Variants in DHX33 observed in about 807,000 individuals in gnomAD.
The protein encoded by DHX33 is ATP-dependent RNA helicase DHX33.
Under a neutral mutation model 72.5 loss-of-function variants are expected in DHX33, and 42 were observed. The ratio of observed to expected loss-of-function variants is 0.58; its 90% CI spans 0.45 to 0.75. The LOEUF (loss-of-function observed/expected upper bound fraction) is 0.75. DHX33 is among the 30% of genes least tolerant of loss of function. The pLI, the probability that DHX33 is intolerant of heterozygous loss-of-function variation, is 0.00. For missense variants in DHX33, 842 were observed against 917.5 expected (o/e 0.92, Z 1.06); for synonymous variants, 358 against 366.1 (o/e 0.98, Z 0.25).
At chr17:5,457,741 C>A (rs1014251998) in intron 4 of DHX33, among the ~76,000 whole-genome samples, 2 of 150,954 alleles carry the variant, frequency 1.3e-5, no homozygotes, top group Non-Finnish European at 2.9e-5. Flanking sequence ...ATTAACAGAA[C>A]AAATGTGCAG....
Position 5,448,796 on chromosome 17 carries a change from G to T in DHX33, c.1815+13C>A. ...AGCTTTGTCACCCACAGAACACTAG[G>T]ACCAGACGATACCTTTAAGCAGATG... On this transcript the variant is annotated intron_variant, in intron 11 of 11. Transcript: ENST00000225296. 6.3e-7 allele frequency: 1 copy of T among 1,591,584 alleles called. No homozygotes were observed. Among genetic ancestry groups the T allele is most frequent in the South Asian group, 1.1e-5 (1 of 88,536 alleles).
Position 5,453,677 on chromosome 17 carries a change from A to G in DHX33, c.1308-9T>C, listed in dbSNP as rs1821998852. On this transcript the variant is annotated splice_polypyrimidine_tract_variant and intron_variant, in intron 7 of 11. Transcript: ENST00000225296. ...CACTGGCCAGGTTACACCTGTGAAG[A>G]GCATGAGACCAGGGTCATGACCTGA... 1 of 1,613,996 alleles carries G rather than the reference A, an allele frequency of 6.2e-7. No individual in the cohort carries two copies. Among genetic ancestry groups the G allele is most frequent in the South Asian group, 1.1e-5 (1 of 91,086 alleles).
chr17:5,468,410 G>A (rs753246119), intron 1 of DHX33, among the ~76,000 whole-genome samples, 161 bp downstream of exon 1: 1 of 152,244 alleles, frequency 6.6e-6, no homozygotes, highest in Non-Finnish European at 1.5e-5. Context: ...GGGCAGGGCT[G>A]CCGGACTCTT....
intron 10 of DHX33, 136 bp from the exon 11 acceptor site, chr17:5,449,031 T>G (rs1332052458): frequency 3.8e-6 from 2 of 527,908 alleles, no homozygotes; most frequent in Non-Finnish European, 6.6e-6. Context: ...TCCTCCCACC[T>G]CAGCCTCCCA....
chr17:5,454,665 G>C (rs1917110957), intron 6 of DHX33, among the ~76,000 whole-genome samples: 1 of 152,154 alleles, frequency 6.6e-6, no homozygotes, highest in African/African-American at 2.4e-5. Context: ...ATCCTCTGTG[G>C]AATAAAGCAA....
At position 5,462,458 on chromosome 17, in the gene DHX33, A is replaced by G. The variant is rs1904685034; in HGVS notation, c.539T>C (p.Ile180Thr). 1 of 1,614,046 alleles carries G rather than the reference A, an allele frequency of 6.2e-7. No individual in the cohort carries two copies. The highest frequency in any genetic ancestry group is 1.7e-5 in the Admixed American group (1 of 60,012). The change falls in exon 3 of 12, where the codon ATT becomes ACT. Residue 180 changes from isoleucine to threonine, a missense_variant. Physicochemically the swap from Ile to Thr is moderately conservative, Grantham distance 89. Transcript: ENST00000225296. ...LTDGMLLREA[I>T]SDSLLRKYSC... is the part of the protein sequence containing the mutation. ...GTATTTCCGAAGCAAAGAGTCTGAA[A>G]TTGCTTCACGCAGAAGCATGCCATC...
chr17:5,446,206 C>T (rs562170716), intron 11 of DHX33, among the ~76,000 whole-genome samples: 42 of 152,304 alleles, frequency 2.8e-4, no homozygotes, highest in African/African-American at 9.4e-4. Flanking sequence ...AACTCTTGGC[C>T]TCAAGCAATC....
Position 5,444,132 on chromosome 17 carries a change from G to C in DHX33, c.*73C>G. The C allele has an allele frequency of 6.6e-7, 1 of 1,521,196 alleles. No individual in the cohort carries two copies. Among genetic ancestry groups the C allele is most frequent in the East Asian group, 2.3e-5 (1 of 43,646 alleles). 94.2% of individuals were successfully genotyped at this position (1,521,196 alleles called of 1,614,324 possible). On this transcript the variant is annotated 3_prime_UTR_variant, in exon 12 of 12. Transcript: ENST00000225296. This position sits in a 1 kb window ranked among gnomAD's most constrained non-coding sequence, Gnocchi z 4.9. Reference sequence around the variant, plus strand: ...CCAAGGCTTCTCTAAGCGCCAACCTGGAAGCCTGCTGTAAGGACAACTGTA... The same window carrying C: ...CCAAGGCTTCTCTAAGCGCCAACCTCGAAGCCTGCTGTAAGGACAACTGTA...
intron 8 of DHX33, among the ~76,000 whole-genome samples, chr17:5,452,940 A>T (rs1567599376): frequency 6.6e-6 from 1 of 151,998 alleles, no homozygotes; most frequent in African/African-American, 2.4e-5. Context: ...TCTTAAGAAA[A>T]GGGGGGGCAA....
chr17:5,461,237 G>T, intron 3 of DHX33, 128 bp from the exon 4 acceptor site: 1 of 957,260 alleles, frequency 1.0e-6, no homozygotes, highest in Non-Finnish European at 1.5e-6. Flanking sequence ...TTCTTCCAAG[G>T]CTCTGAGCAG....
intron 3 of DHX33, among the ~76,000 whole-genome samples, chr17:5,461,936 C>CTT (rs35332211): frequency 0.13 from 15,108 of 113,572 alleles, 1,676 homozygotes; most frequent in African/African-American, 0.24. Context: ...TGAACTTTCA[C>CTT]TTTTTTTTTT....
In DHX33 at chr17:5,453,679, C is replaced by A. The variant is rs369409564; in HGVS notation, c.1308-11G>T. On this transcript the variant is annotated splice_polypyrimidine_tract_variant and intron_variant, in intron 7 of 11. Coordinates refer to ENST00000225296, the MANE Select transcript of DHX33 (RefSeq NM_020162.4). ...CTGGCCAGGTTACACCTGTGAAGAG[C>A]ATGAGACCAGGGTCATGACCTGATC... 3.8e-5 allele frequency: 61 copies of A among 1,613,956 alleles called. No homozygotes were observed. The highest frequency in any genetic ancestry group is 4.5e-5 in the Non-Finnish European group (53 of 1,179,954).
chr17:5,446,000 G>A (rs940630938), intron 11 of DHX33, among the ~76,000 whole-genome samples: 3 of 152,144 alleles, frequency 2.0e-5, no homozygotes, highest in African/African-American at 7.2e-5. Flanking sequence ...AAGAGACAGG[G>A]TCTCACTCTG....
intron 1 of DHX33, among the ~76,000 whole-genome samples, chr17:5,466,884 A>G (rs1290277183): frequency 6.6e-6 from 1 of 152,244 alleles, no homozygotes; most frequent in Non-Finnish European, 1.5e-5. Flanking sequence ...TGTATTTAAA[A>G]CTATTGAAGA....
In DHX33 at chr17:5,442,261, T is replaced by A. The variant is rs961508405; in HGVS notation, c.*1944A>T. 5.3e-5 allele frequency: 8 copies of A among 150,590 alleles called. No homozygotes were observed. The highest frequency in any genetic ancestry group is 1.7e-4 in the African/African-American group (7 of 41,056). 9.3% of individuals were successfully genotyped at this position (150,590 alleles called of 1,614,324 possible). A position where few individuals can be genotyped will look rare whatever the true frequency, so the allele number is the denominator to read the frequency against. Reference sequence around the variant, plus strand: ...CCGGCCACCCCCCAATTTTTTTTTTTTTTTTTTTTTTTTTACCAGCACTAT... The same window carrying A: ...CCGGCCACCCCCCAATTTTTTTTTTATTTTTTTTTTTTTTACCAGCACTAT... On this transcript the variant is annotated 3_prime_UTR_variant, in exon 12 of 12. Transcript: ENST00000225296.
At chr17:5,452,334 T>G (rs554776869) in intron 8 of DHX33, among the ~76,000 whole-genome samples, 1 of 150,662 alleles carries the variant, frequency 6.6e-6, no homozygotes, top group South Asian at 2.1e-4. Context: ...AGGTCAGGAG[T>G]TCAAGACCAG....
chr17:5,463,853 TCAA>T (rs370102976), intron 1 of DHX33, among the ~76,000 whole-genome samples, 164 bp from the exon 2 acceptor site: 10 of 150,716 alleles, frequency 6.6e-5, no homozygotes, highest in African/African-American at 1.7e-4. Flanking sequence ...AGACCCCGTC[TCAA>T]CAACAACAAC....
In DHX33 at chr17:5,444,025, T is replaced by C. The variant is rs1916533866; in HGVS notation, c.*180A>G. On this transcript the variant is annotated 3_prime_UTR_variant, in exon 12 of 12. Coordinates refer to ENST00000225296, the MANE Select transcript of DHX33 (RefSeq NM_020162.4). This position sits in a 1 kb window ranked among gnomAD's most constrained non-coding sequence, Gnocchi z 4.9. ...TTGAGGTTTCCAGGTACAAATGATA[T>C]GTCCATGTCTATATGGTTCAGTCCC... is the stretch of plus-strand genomic sequence containing the variant. The C allele has an allele frequency of 1.6e-6, 1 of 617,780 alleles. No homozygotes were observed. Among genetic ancestry groups the C allele is most frequent in the Non-Finnish European group, 2.6e-6 (1 of 378,702 alleles). The allele number at this position is 617,780 out of a possible 1,614,324, so 38.3% of individuals were successfully genotyped here. A position where few individuals can be genotyped will look rare whatever the true frequency, so the allele number is the denominator to read the frequency against.
rs755495822 is a variant in DHX33, at chr17:5,444,488, C to T, written c.1841G>A (p.Arg614Gln). Residue 614 changes from arginine (R) to glutamine (Q), a missense_variant, in exon 12 of 12, where the codon CGA becomes CAA. Physicochemically the swap from Arg to Gln is conservative, Grantham distance 43. Coordinates refer to ENST00000225296, the MANE Select transcript of DHX33 (RefSeq NM_020162.4). This position sits in a 1 kb window ranked among gnomAD's most constrained non-coding sequence, Gnocchi z 4.9. ...LKMSMPIASS[R>Q]GDVESVRRCL... ...GCGGCGGACACTCTCCACGTCTCCT[C>T]GGGATGATGCGATTGGCATTGACAT... The T allele has an allele frequency of 2.5e-6, 4 of 1,613,932 alleles. No homozygotes were observed. Among genetic ancestry groups the T allele is most frequent in the South Asian group, 2.2e-5 (2 of 91,066 alleles).
Sources: allele counts gnomAD v4.1 joint callset (sites outside exome capture counted in the v4.1 genomes callset), GRCh38; gene constraint gnomAD v4.1.1; non-coding constraint Gnocchi (gnomAD v3.1); transcripts MANE v1.5; gene names NCBI Gene and HGNC (gene_info 2026-07-23, HGNC 2026-07-21).